EFHD2: variants seen among roughly 807,000 people sequenced by gnomAD.
EFHD2 encodes the protein EF-hand domain-containing protein D2.
A neutral mutation model predicts 20.3 loss-of-function variants in EFHD2; 12 were observed. The ratio of observed to expected loss-of-function variants is 0.59; its 90% CI spans 0.38 to 0.96. The LOEUF (loss-of-function observed/expected upper bound fraction) is 0.96. Among genes scored for constraint, EFHD2 ranks in the 40% least tolerant of loss-of-function variants. The probability of loss-of-function intolerance (pLI) is 0.00; values close to 1 mark genes in which losing one functional copy is unlikely to be tolerated. For missense variants in EFHD2, 250 were observed against 334.3 expected, an observed-to-expected ratio of 0.75 and a Z score of 1.97; for synonymous variants, 131 against 143.9, an observed-to-expected ratio of 0.91 and a Z score of 0.64.
chr1:15,427,432 C>A, intron 3 of EFHD2, 148 bp downstream of exon 3: 1 of 1,404,066 alleles, frequency 7.1e-7, no homozygotes, highest in South Asian at 1.5e-5. Flanking sequence ...CAGGCCCACA[C>A]GCTCTGTCTT....
intron 3 of EFHD2, 41 bp from the exon 4 acceptor site, chr1:15,428,552 C>T (rs1707910641): frequency 1.3e-6 from 2 of 1,595,366 alleles, no homozygotes; most frequent in African/African-American, 1.3e-5. Context: ...CCCCAACATA[C>T]ACCATCCAGC....
At chr1:15,420,879 G>C (rs1707778449) in intron 1 of EFHD2, among the ~76,000 whole-genome samples, 1 of 151,902 alleles carries the variant, frequency 6.6e-6, no homozygotes, top group Non-Finnish European at 1.5e-5. Context: ...AAACTCCTGG[G>C]CTCAAGTGAT....
At chr1:15,414,517 G>A (rs972185702) in intron 1 of EFHD2, among the ~76,000 whole-genome samples, 2 of 152,276 alleles carry the variant, frequency 1.3e-5, no homozygotes, top group Non-Finnish European at 2.9e-5. Flanking sequence ...GCTTGGCACA[G>A]AGCAAGTCGT....
In EFHD2 at chr1:15,426,902, T is replaced by G. The variant is rs3765370; in HGVS notation, c.457-248T>G. Among the ~76,000 whole-genome samples, 14,395 of 152,138 alleles carry G rather than the reference T, an allele frequency of 0.095. 1,310 individuals are homozygous for G. Among genetic ancestry groups the G allele is most frequent in the East Asian group, 0.5 (2,563 of 5,156 alleles). On this transcript the variant is annotated intron_variant, in intron 2 of 3. Coordinates refer to ENST00000375980, the MANE Select transcript of EFHD2 (RefSeq NM_024329.6). This position sits in a 1 kb window ranked among gnomAD's most constrained non-coding sequence, Gnocchi z 4.6. ...GAGGCCGTGTCGTCGGGAGCTGGTG[T>G]GGGCGGGTCAGGGCTGCAGTAGGCC...
At position 15,428,602 on chromosome 1, in the gene EFHD2, A is replaced by G; in HGVS notation, c.601A>G (p.Ile201Val). 1.2e-6 allele frequency: 2 copies of G among 1,610,768 alleles called. No homozygotes were observed. Among genetic ancestry groups the G allele is most frequent in the Middle Eastern group, 1.9e-4 (1 of 5,392 alleles). Reference protein sequence around the residue: ...KSFFEAKVQAINVSSRFEEEI... With the variant: ...KSFFEAKVQAVNVSSRFEEEI... Reference sequence around the variant, plus strand: ...CCCCATGCCCCCGCAGGTCCAGGCCATCAACGTGTCCAGCCGCTTCGAGGA... The same window carrying G: ...CCCCATGCCCCCGCAGGTCCAGGCCGTCAACGTGTCCAGCCGCTTCGAGGA... The change falls in exon 4 of 4, where the codon ATC becomes GTC. Residue 201 changes from isoleucine to valine, a missense_variant. Ile to Val is a conservative substitution (Grantham distance 29). Coordinates refer to ENST00000375980, the MANE Select transcript of EFHD2 (RefSeq NM_024329.6).
At chr1:15,415,229 G>A (rs1396938445) in intron 1 of EFHD2, among the ~76,000 whole-genome samples, 1 of 152,164 alleles carries the variant, frequency 6.6e-6, no homozygotes, top group Non-Finnish European at 1.5e-5. Context: ...CATGTATAGA[G>A]GTTTGGGGAT....
chr1:15,426,333 C>T lies in EFHD2; in HGVS notation c.456+315C>T, dbSNP rs574950581. On this transcript the variant is annotated intron_variant, in intron 2 of 3. Transcript: ENST00000375980. This position sits in a 1 kb window ranked among gnomAD's most constrained non-coding sequence, Gnocchi z 4.6. The stretch of plus-strand genomic sequence containing the variant: ...CTGGGGTAGAGAAAGGCCCTGTGCT[C>T]GAAGGTTCCTGGAAGTGTAGAGGGG... Among the ~76,000 whole-genome samples the T allele has an allele frequency of 2.6e-5, 4 of 152,116 alleles. No individual in the cohort carries two copies. Among genetic ancestry groups the T allele is most frequent in the African/African-American group, 7.2e-5 (3 of 41,500 alleles).
intron 1 of EFHD2, among the ~76,000 whole-genome samples, chr1:15,420,640 T>C (rs1707774288): frequency 2.0e-5 from 3 of 152,166 alleles, no homozygotes; most frequent in African/African-American, 7.2e-5. Flanking sequence ...CTGACTCAGC[T>C]TCCTGAGTAG....
At chr1:15,411,063 T>C (rs987857098) in intron 1 of EFHD2, among the ~76,000 whole-genome samples, 2 of 152,078 alleles carry the variant, frequency 1.3e-5, no homozygotes, top group African/African-American at 4.8e-5. Flanking sequence ...CAGTCGTCCC[T>C]GTGGGCCGAG....
intron 1 of EFHD2, among the ~76,000 whole-genome samples, chr1:15,422,320 T>A (rs1279789051): frequency 2.6e-5 from 4 of 151,592 alleles, no homozygotes; most frequent in African/African-American, 9.7e-5. Flanking sequence ...CTTGATCTCC[T>A]GACCTCATGA....
At chr1:15,419,416 C>T (rs1028558056) in intron 1 of EFHD2, among the ~76,000 whole-genome samples, 3 of 152,264 alleles carry the variant, frequency 2.0e-5, no homozygotes, top group Admixed American at 2.0e-4. Context: ...TCTGCCAGTA[C>T]TGCCGAATGG....
chr1:15,423,084 G>A (rs921875196), intron 1 of EFHD2, among the ~76,000 whole-genome samples: 4 of 152,112 alleles, frequency 2.6e-5, no homozygotes, highest in Non-Finnish European at 4.4e-5. Context: ...GTCATGTGGC[G>A]CCCGCCCAGC....
intron 3 of EFHD2, among the ~76,000 whole-genome samples, 198 bp from the exon 4 acceptor site, chr1:15,428,395 G>T (rs1055356716): frequency 1.2e-4 from 19 of 152,218 alleles, no homozygotes; most frequent in Non-Finnish European, 2.9e-5. Flanking sequence ...TACTCAAGAG[G>T]CTGAGGCAGG....
At position 15,426,620 on chromosome 1, in the gene EFHD2, G is replaced by A. The variant is rs548517501; in HGVS notation, c.457-530G>A. 2.0e-5 allele frequency among the ~76,000 whole-genome samples: 3 copies of A among 152,324 alleles called. No homozygotes were observed. The highest frequency in any genetic ancestry group is 7.2e-5 in the African/African-American group (3 of 41,574). On this transcript the variant is annotated intron_variant, in intron 2 of 3. Transcript: ENST00000375980. The surrounding 1 kb of genome is among the most constrained non-coding windows in gnomAD (Gnocchi z 4.6). ...AGGTCTGGCAGGAAGCATGAAGGAT[G>A]CAGGGAAGGAGAGAGGTGGCAGGGG...
intron 1 of EFHD2, 57 bp from the exon 2 acceptor site, chr1:15,425,814 C>G: frequency 6.3e-7 from 1 of 1,579,670 alleles, no homozygotes; most frequent in South Asian, 1.2e-5. Context: ...TGCACTCAAG[C>G]CTGCGGCCTC....
Position 15,429,447 on chromosome 1 carries a change from C to T in EFHD2, c.*723C>T, listed in dbSNP as rs1707930145. On this transcript the variant is annotated 3_prime_UTR_variant, in exon 4 of 4. Transcript: ENST00000375980. ...GCCAATCTACCTCACAGGCCCACCCCCTGCCGGGCATGCCGTGGGATCATG... is the reference window on the plus strand; with the variant it reads ...GCCAATCTACCTCACAGGCCCACCCTCTGCCGGGCATGCCGTGGGATCATG... The T allele has an allele frequency of 1.3e-5, 2 of 152,726 alleles. No homozygotes were observed. Among genetic ancestry groups the T allele is most frequent in the Admixed American group, 6.5e-5 (1 of 15,290 alleles). The allele number at this position is 152,726 out of a possible 1,614,324, so 9.5% of individuals were successfully genotyped here.
intron 1 of EFHD2, among the ~76,000 whole-genome samples, chr1:15,424,365 G>T (rs1405653722): frequency 6.6e-6 from 1 of 152,132 alleles, no homozygotes; most frequent in Non-Finnish European, 1.5e-5. Flanking sequence ...CCAGGAACCA[G>T]TGGTGCCTTC....
rs531772273 is a variant in EFHD2 at position 15,428,622 on chromosome 1, C to T, written c.621C>T (p.Phe207=). 8.7e-6 allele frequency: 14 copies of T among 1,611,252 alleles called. No individual in the cohort carries two copies. The African/African-American group carries it at 1.6e-4, about 18-fold the overall frequency. ...AGGCCATCAACGTGTCCAGCCGCTT[C>T]GAGGAGGAGATCAAGGCAGAGCAGG... ...KVQAINVSSR[F]EEEIKAEQEE... The change falls in exon 4 of 4, where the codon TTC becomes TTT. Residue 207 remains phenylalanine (F), a synonymous_variant. Transcript: ENST00000375980.
intron 1 of EFHD2, among the ~76,000 whole-genome samples, chr1:15,415,851 A>G (rs1707659620): frequency 6.6e-6 from 1 of 152,038 alleles, no homozygotes; most frequent in South Asian, 2.1e-4. Context: ...GGCGATTGTC[A>G]CTTGTCTAAG....
Sources: allele counts gnomAD v4.1 joint callset (sites outside exome capture counted in the v4.1 genomes callset), GRCh38; gene constraint gnomAD v4.1.1; non-coding constraint Gnocchi (gnomAD v3.1); transcripts MANE v1.5; gene names NCBI Gene and HGNC (gene_info 2026-07-23, HGNC 2026-07-21).